Variants in MEI4 observed in about 807,000 individuals in gnomAD.
The protein encoded by MEI4 is meiosis-specific protein MEI4.
A neutral mutation model predicts 31.4 loss-of-function variants in MEI4; 27 were observed. The ratio of observed to expected loss-of-function variants is 0.86; its 90% CI spans 0.63 to 1.19. The LOEUF (loss-of-function observed/expected upper bound fraction) is 1.19, where lower values mean the gene tolerates loss of function less well. MEI4 is among the 50% of genes most tolerant of loss of function. The probability of loss-of-function intolerance (pLI) is 0.00; values close to 1 mark genes in which losing one functional copy is unlikely to be tolerated. For synonymous variants in MEI4, 122 were observed against 145.4 expected, an observed-to-expected ratio of 0.84 and a Z score of 1.16; for missense variants, 329 against 398.9, an observed-to-expected ratio of 0.82 and a Z score of 1.49.
intron 4 of MEI4, among the ~76,000 whole-genome samples, chr6:77,868,498 A>G (rs1771107469): frequency 6.8e-5 from 1 of 14,600 alleles, no homozygotes; most frequent in Non-Finnish European, 1.4e-4. Flanking sequence ...TGTAAAAAAT[A>G]CTACATATAT....
intron 1 of MEI4, among the ~76,000 whole-genome samples, chr6:77,679,753 G>A (rs188025998): frequency 4.6e-4 from 70 of 151,680 alleles, no homozygotes; most frequent in Admixed American, 2.9e-3. Flanking sequence ...CCCTCTGCCC[G>A]CGTCCCCAAG....
chr6:77,859,154 G>C (rs77687108), intron 4 of MEI4, among the ~76,000 whole-genome samples: 2 of 152,134 alleles, frequency 1.3e-5, no homozygotes, highest in Non-Finnish European at 2.9e-5. Flanking sequence ...TGCTGAGGAT[G>C]ATGGCTTCCA....
chr6:77,848,778 T>A (rs1770544362), intron 4 of MEI4, among the ~76,000 whole-genome samples: 2 of 152,232 alleles, frequency 1.3e-5, no homozygotes, highest in African/African-American at 4.8e-5. Flanking sequence ...CTAACTAGAA[T>A]GCTCTCATAC....
At chr6:77,730,818 C>T (rs1766964008) in intron 2 of MEI4, among the ~76,000 whole-genome samples, 1 of 144,934 alleles carries the variant, frequency 6.9e-6, no homozygotes, top group South Asian at 2.2e-4. Flanking sequence ...TGATGTTCCC[C>T]TTCCTGTGTC....
At chr6:77,829,521 G>T (rs1562004750) in intron 4 of MEI4, among the ~76,000 whole-genome samples, 1 of 152,076 alleles carries the variant, frequency 6.6e-6, no homozygotes. Flanking sequence ...TTACATAGAG[G>T]TCTCTGAATT....
intron 4 of MEI4, among the ~76,000 whole-genome samples, chr6:77,829,725 A>G (rs1770033620): frequency 6.6e-6 from 1 of 152,168 alleles, no homozygotes; most frequent in Non-Finnish European, 1.5e-5. Flanking sequence ...TCCATTTGAC[A>G]GCTCATTAAA....
intron 4 of MEI4, among the ~76,000 whole-genome samples, chr6:77,858,956 C>T (rs762264705): frequency 2.7e-5 from 4 of 150,738 alleles, no homozygotes; most frequent in Non-Finnish European, 5.9e-5. Flanking sequence ...AGGTTTGTTA[C>T]ATAGGTATAC....
At chr6:77,704,567 G>A (rs1468231422) in intron 2 of MEI4, among the ~76,000 whole-genome samples, 1 of 152,134 alleles carries the variant, frequency 6.6e-6, no homozygotes, top group Non-Finnish European at 1.5e-5. Flanking sequence ...TGTTAGAAAT[G>A]CAAATTCTCA....
chr6:77,747,387 C>T (rs925084779), intron 2 of MEI4, among the ~76,000 whole-genome samples: 3 of 152,126 alleles, frequency 2.0e-5, no homozygotes, highest in African/African-American at 7.2e-5. Context: ...ATTTAATTGA[C>T]TCACAGTTCC....
intron 2 of MEI4, among the ~76,000 whole-genome samples, chr6:77,716,618 G>A (rs1028133043): frequency 2.0e-5 from 3 of 152,182 alleles, no homozygotes; most frequent in Non-Finnish European, 2.9e-5. Context: ...GGCAAGGGTA[G>A]TATCAGTCGG....
intron 3 of MEI4, among the ~76,000 whole-genome samples, chr6:77,781,812 A>G (rs1486631072): frequency 1.3e-5 from 2 of 152,134 alleles, no homozygotes; most frequent in Non-Finnish European, 2.9e-5. Flanking sequence ...TGTCAAAGCT[A>G]TGGTTTCCTT....
At chr6:77,731,941 T>TA (rs1767008409) in intron 2 of MEI4, among the ~76,000 whole-genome samples, 1 of 149,054 alleles carries the variant, frequency 6.7e-6, no homozygotes, top group South Asian at 2.1e-4. Flanking sequence ...TAGTTGTACA[T>TA]ATGCGGCATT....
At chr6:77,771,513 A>G (rs1205506745) in intron 3 of MEI4, among the ~76,000 whole-genome samples, 1 of 152,176 alleles carries the variant, frequency 6.6e-6, no homozygotes, top group Admixed American at 6.6e-5. Flanking sequence ...CACTATTCAC[A>G]GTAGCAAAGA....
At chr6:77,918,350 A>C (rs1430535041) in intron 4 of MEI4, among the ~76,000 whole-genome samples, 2 of 137,942 alleles carry the variant, frequency 1.4e-5, no homozygotes, top group Non-Finnish European at 3.1e-5. Context: ...TCTGTAAATT[A>C]CCTTGGGCAG....
rs539164201 is a variant in MEI4 at position 77,831,791 on chromosome 6, C to T, written c.900+2729C>T. On this transcript the variant is annotated intron_variant, in intron 4 of 4. Coordinates refer to ENST00000684080, the MANE Select transcript of MEI4 (RefSeq NM_001322247.2). Reference sequence around the variant, plus strand: ...AAGTTGGTTAATGAGTACGAAAATACGGTTAGATAGAAGGAAAAAGTTCTA... The same window carrying T: ...AAGTTGGTTAATGAGTACGAAAATATGGTTAGATAGAAGGAAAAAGTTCTA... 1.3e-4 allele frequency among the ~76,000 whole-genome samples: 20 copies of T among 151,658 alleles called. No individual in the cohort carries two copies. In the South Asian group the frequency reaches 2.3e-3, roughly 17 times the overall value.
chr6:77,882,124 A>G (rs1448490198), intron 4 of MEI4, among the ~76,000 whole-genome samples: 2 of 152,208 alleles, frequency 1.3e-5, no homozygotes, highest in Non-Finnish European at 2.9e-5. Context: ...AGTGACCTAC[A>G]GAACTCAGGA....
At chr6:77,788,701 G>A (rs1348098337) in intron 3 of MEI4, among the ~76,000 whole-genome samples, 1 of 152,132 alleles carries the variant, frequency 6.6e-6, no homozygotes, top group Non-Finnish European at 1.5e-5. Context: ...TACAAGGTAT[G>A]TGAAAGACCT....
intron 4 of MEI4, among the ~76,000 whole-genome samples, chr6:77,856,643 C>A (rs1770752929): frequency 6.6e-6 from 1 of 152,206 alleles, no homozygotes. Context: ...CCTCTCAGGG[C>A]TACAGAGTGT....
rs536416529 is a variant in MEI4, at chr6:77,899,169, C to A, written c.901-23920C>A. ...GTGCATATGAACATATTTTGCCAGT[C>A]ATTAATGAGCTCTCCCAAATGCCTA... is the stretch of plus-strand genomic sequence containing the variant. On this transcript the variant is annotated intron_variant, in intron 4 of 4. Coordinates refer to ENST00000684080, the MANE Select transcript of MEI4 (RefSeq NM_001322247.2). Among the ~76,000 whole-genome samples, 7 of 152,140 alleles carry A rather than the reference C, an allele frequency of 4.6e-5. No homozygotes were observed. The South Asian group carries it at 1.5e-3, about 32-fold the overall frequency.
Sources: allele counts gnomAD v4.1 joint callset (sites outside exome capture counted in the v4.1 genomes callset), GRCh38; gene constraint gnomAD v4.1.1; transcripts MANE v1.5; gene names NCBI Gene and HGNC (gene_info 2026-07-23, HGNC 2026-07-21).